Variants in DDIAS observed in about 807,000 individuals in gnomAD.
DDIAS encodes the protein DNA damage induced apoptosis suppressor.
Under a neutral mutation model 15.7 loss-of-function variants are expected in DDIAS, and 14 were observed. That is an observed-to-expected ratio of 0.89 (90% CI 0.59 to 1.39). The LOEUF (loss-of-function observed/expected upper bound fraction) is 1.39, where lower values mean the gene tolerates loss of function less well. Among genes scored for constraint, DDIAS ranks in the 40% most tolerant of loss-of-function variants. The pLI, the probability that DDIAS is intolerant of heterozygous loss-of-function variation, is 0.00. For missense variants in DDIAS, 1,035 were observed against 1,130.9 expected, an observed-to-expected ratio of 0.92 and a Z score of 1.22; for synonymous variants, 355 against 395.9, an observed-to-expected ratio of 0.90 and a Z score of 1.23.
At position 82,933,284 on chromosome 11, in the gene DDIAS, T is replaced by G. The variant is rs1861042063; in HGVS notation, c.1946T>G (p.Leu649Trp). The change falls in exon 6 of 6, where the codon TTG (leucine) becomes TGG (tryptophan). Residue 649 changes from leucine (L) to tryptophan (W), a missense_variant. By Grantham distance (61) the Leu-to-Trp change is moderately conservative (BLOSUM62 -2). Transcript: ENST00000533655. Reference sequence around the variant, plus strand: ...AGTCCAAATAGAAGTACAAATACATTGAAAGAAATGCCTTGGGGACATATC... The same window carrying G: ...AGTCCAAATAGAAGTACAAATACATGGAAAGAAATGCCTTGGGGACATATC... ...CNSPNRSTNT[L>W]KEMPWGHINN... 1 of 1,613,480 alleles carries G rather than the reference T, an allele frequency of 6.2e-7. No individual in the cohort carries two copies. The highest frequency in any genetic ancestry group is 1.7e-5 in the Admixed American group (1 of 59,926).
intron 1 of DDIAS, among the ~76,000 whole-genome samples, chr11:82,906,634 G>A (rs928503354): frequency 6.6e-6 from 1 of 152,088 alleles, no homozygotes; most frequent in African/African-American, 2.4e-5. Context: ...ATGATTTGAT[G>A]AATGCCCATA....
At chr11:82,917,907 G>A (rs569823437) in intron 3 of DDIAS, among the ~76,000 whole-genome samples, 1 of 152,262 alleles carries the variant, frequency 6.6e-6, no homozygotes, top group South Asian at 2.1e-4. Context: ...GTGATGTTGA[G>A]CATTTTTTCA....
intron 3 of DDIAS, among the ~76,000 whole-genome samples, chr11:82,924,441 T>C (rs1246160879): frequency 6.6e-6 from 1 of 152,196 alleles, no homozygotes; most frequent in Admixed American, 6.5e-5. Context: ...TTTTAAGGTT[T>C]TCAAGACTAA....
chr11:82,902,438 C>A (rs1046663106), intron 1 of DDIAS, among the ~76,000 whole-genome samples: 1 of 151,918 alleles, frequency 6.6e-6, no homozygotes, highest in Non-Finnish European at 1.5e-5. Context: ...ATCTTGCTAC[C>A]TTCCAGTCCA....
At chr11:82,911,081 A>T (rs557247886) in intron 1 of DDIAS, among the ~76,000 whole-genome samples, 1 of 152,338 alleles carries the variant, frequency 6.6e-6, no homozygotes, top group South Asian at 2.1e-4. Flanking sequence ...AATGTTAATG[A>T]TCATCTGAGC....
At position 82,928,867 on chromosome 11, in the gene DDIAS, ATTGT is replaced by A. The variant is rs774686108; in HGVS notation, c.210_213del (p.Phe70LeufsTer9). 14 of 1,612,332 alleles carry A rather than the reference ATTGT, an allele frequency of 8.7e-6. No individual in the cohort carries two copies. The highest frequency in any genetic ancestry group is 1.2e-5 in the Non-Finnish European group (14 of 1,179,540). ...CCTTAAAAGTTGCAGAATCAAACAAATTGTTTGTTATTACTGTATTTGGAAGTTG... is the reference window on the plus strand; with the variant it reads ...CCTTAAAAGTTGCAGAATCAAACAAATTGTTATTACTGTATTTGGAAGTTG... On this transcript the variant is annotated frameshift_variant, in exon 4 of 6. Transcript: ENST00000533655. LOFTEE classifies it high-confidence loss of function.
chr11:82,932,592 C>A lies in DDIAS; in HGVS notation c.1254C>A (p.Phe418Leu). Residue 418 changes from phenylalanine to leucine, a missense_variant, in exon 6 of 6, where the codon TTC becomes TTA. Transcript: ENST00000533655. ...CTCAAATTTGGGATGATCTGCCATTCTCTGAAAGCCTGAACAAGTTTCTGG... is the reference window on the plus strand; with the variant it reads ...CTCAAATTTGGGATGATCTGCCATTATCTGAAAGCCTGAACAAGTTTCTGG... ...GDPQIWDDLPFSESLNKFLAV... is the reference protein window; with the variant it reads ...GDPQIWDDLPLSESLNKFLAV... 6.2e-7 allele frequency: 1 copy of A among 1,614,134 alleles called. No individual in the cohort carries two copies. The highest frequency in any genetic ancestry group is 8.5e-7 in the Non-Finnish European group (1 of 1,180,018).
At chr11:82,907,293 G>A (rs1284616312) in intron 1 of DDIAS, among the ~76,000 whole-genome samples, 1 of 152,052 alleles carries the variant, frequency 6.6e-6, no homozygotes, top group African/African-American at 2.4e-5. Context: ...AAAGTTAAGA[G>A]AATAGGCATT....
intron 1 of DDIAS, among the ~76,000 whole-genome samples, chr11:82,912,132 A>G (rs568090686): frequency 3.3e-5 from 5 of 152,294 alleles, no homozygotes; most frequent in African/African-American, 4.8e-5. Context: ...GGAATGGCAA[A>G]TGAGCACTGG....
Position 82,932,801 on chromosome 11 carries a change from C to T in DDIAS, c.1463C>T (p.Ala488Val), listed in dbSNP as rs199952861. ...ALRSSQVIVK[A>V]NCSKDDFLFN... is the part of the protein sequence containing the mutation. ...AGATCATCACAAGTAATAGTCAAAG[C>T]AAACTGTAGCAAAGATGACTTCCTT... The change falls in exon 6 of 6, where the codon GCA (alanine) becomes GTA (valine). Residue 488 changes from alanine to valine, a missense_variant. Transcript: ENST00000533655. The T allele has an allele frequency of 8.1e-6, 13 of 1,613,680 alleles. No homozygotes were observed. The highest frequency in any genetic ancestry group is 9.3e-6 in the Non-Finnish European group (11 of 1,180,002).
chr11:82,924,085 C>T (rs1199666481), intron 3 of DDIAS, among the ~76,000 whole-genome samples: 1 of 152,218 alleles, frequency 6.6e-6, no homozygotes, highest in East Asian at 1.9e-4. Flanking sequence ...CCTATCCTCT[C>T]CCCCATTCCC....
At chr11:82,907,176 A>C (rs1860447490) in intron 1 of DDIAS, among the ~76,000 whole-genome samples, 1 of 152,250 alleles carries the variant, frequency 6.6e-6, no homozygotes, top group Admixed American at 6.5e-5. Context: ...GAATGGAAAA[A>C]AGCAAAGGCA....
chr11:82,907,043 T>C (rs978624631), intron 1 of DDIAS, among the ~76,000 whole-genome samples: 4 of 152,186 alleles, frequency 2.6e-5, no homozygotes, highest in Non-Finnish European at 4.4e-5. Flanking sequence ...TAATATAATG[T>C]GGCATGTGAT....
chr11:82,901,925 T>G (rs1460106145), intron 1 of DDIAS, 103 bp downstream of exon 1: 1 of 152,152 alleles, frequency 6.6e-6, no homozygotes, highest in African/African-American at 2.4e-5. Flanking sequence ...CCGGCGCTTG[T>G]TTTTTCACAA....
At chr11:82,917,362 A>T (rs1860653562) in intron 3 of DDIAS, among the ~76,000 whole-genome samples, 1 of 150,786 alleles carries the variant, frequency 6.6e-6, no homozygotes, top group African/African-American at 2.5e-5. Context: ...GCATCCTCAT[A>T]GCTTAGCTCC....
In DDIAS at chr11:82,932,042, T is replaced by C. The variant is rs1271548949; in HGVS notation, c.704T>C (p.Phe235Ser). Residue 235 changes from phenylalanine (F) to serine (S), a missense_variant, in exon 6 of 6, where the codon TTT (phenylalanine) becomes TCT (serine). Physicochemically the swap from Phe to Ser is radical, Grantham distance 155 (BLOSUM62 -2). Transcript: ENST00000533655. Reference protein sequence around the residue: ...DFFKSCSKDTFSKFWQPSLEF... With the variant: ...DFFKSCSKDTSSKFWQPSLEF... ...TTCAAGTCCTGCAGCAAGGATACTT[T>C]TTCAAAATTCTGGCAGCCATCACTT... 3.7e-6 allele frequency: 6 copies of C among 1,614,136 alleles called. No homozygotes were observed. Among genetic ancestry groups the C allele is most frequent in the South Asian group, 1.1e-5 (1 of 91,078 alleles).
chr11:82,918,512 G>A lies in DDIAS; in HGVS notation c.113+3661G>A, dbSNP rs184167801. ...AGTACAGTTTGAAATCAGGTAATGC[G>A]ATGCCTCCAGGTTTGTTCTTTTTGC... On this transcript the variant is annotated intron_variant, in intron 3 of 5. Transcript: ENST00000533655. 2.6e-3 allele frequency among the ~76,000 whole-genome samples: 397 copies of A among 152,300 alleles called. 4 individuals are homozygous for A. Among genetic ancestry groups the A allele is most frequent in the African/African-American group, 9.2e-3 (382 of 41,578 alleles).
chr11:82,930,450 C>T (rs1410753608), intron 5 of DDIAS, among the ~76,000 whole-genome samples, 176 bp downstream of exon 5: 1 of 152,100 alleles, frequency 6.6e-6, no homozygotes, highest in Non-Finnish European at 1.5e-5. Flanking sequence ...GTGACAACTT[C>T]CTCTTTCGAA....
chr11:82,931,863 T>C lies in DDIAS; in HGVS notation c.525T>C (p.Phe175=). The change falls in exon 6 of 6, where the codon TTT becomes TTC. Residue 175 remains phenylalanine, a synonymous_variant. Coordinates refer to ENST00000533655, the MANE Select transcript of DDIAS (RefSeq NM_145018.4). ...IVLPDPGIAG[F]TVIDYFHQLL... ...TACCAGACCCAGGTATTGCAGGCTT[T>C]ACTGTCATTGACTACTTCCATCAAC... 6.2e-7 allele frequency: 1 copy of C among 1,614,238 alleles called. No homozygotes were observed.
Sources: gnomAD v4.1 joint callset for allele counts (sites outside exome capture counted in the v4.1 genomes callset) on GRCh38, gnomAD v4.1.1 for gene constraint, MANE v1.5 for transcripts, NCBI Gene and HGNC (gene_info 2026-07-23, HGNC 2026-07-21) for gene names.